Variants in CYC1 observed in about 807,000 individuals in gnomAD.
The protein encoded by CYC1 is cytochrome c1, heme protein, mitochondrial.
Under a neutral mutation model 33.8 loss-of-function variants are expected in CYC1, and 10 were observed. The ratio of observed to expected loss-of-function variants is 0.30; its 90% CI spans 0.18 to 0.50. The LOEUF is 0.50. CYC1 is among the 20% of genes least tolerant of loss of function. CYC1 has a pLI of 0.98. For missense variants in CYC1, 459 were observed against 437.6 expected (o/e 1.05, Z -0.44); for synonymous variants, 224 against 181.9 (o/e 1.23, Z -1.86).
rs1836188570 is a variant in CYC1, at chr8:144,097,447, A to G, written c.*111A>G. On this transcript the variant is annotated 3_prime_UTR_variant, in exon 7 of 7. Coordinates refer to ENST00000318911, the MANE Select transcript of CYC1 (RefSeq NM_001916.5). ...CCTCTCTTCATCTGGAAGAAGAGGC[A>G]AGGGGGCAGGAGACCAGGCTCTAGC... The G allele has an allele frequency of 1.2e-6, 1 of 840,310 alleles. No individual in the cohort carries two copies. The highest frequency in any genetic ancestry group is 1.9e-6 in the Non-Finnish European group (1 of 526,624). 52.1% of individuals were successfully genotyped at this position (840,310 alleles called of 1,614,324 possible). A position where few individuals can be genotyped will look rare whatever the true frequency, so the allele number is the denominator to read the frequency against.
At chr8:144,095,811 G>T in intron 1 of CYC1, 22 bp from the exon 2 acceptor site, 4 of 1,600,766 alleles carry the variant, frequency 2.5e-6, no homozygotes, top group South Asian at 2.2e-5. Flanking sequence ...GTCCTGGCAG[G>T]CGCTGAGCGG....
chr8:144,096,880 G>A (rs1260787932), intron 5 of CYC1, 136 bp downstream of exon 5: 1 of 1,212,208 alleles, frequency 8.2e-7, no homozygotes, highest in South Asian at 1.3e-5. Context: ...TGTCTCAGGA[G>A]GCTTTTGGGC....
At chr8:144,096,842 ACTT>A (rs1372167847) in intron 5 of CYC1, 98 bp downstream of exon 5, 3 of 1,427,746 alleles carry the variant, frequency 2.1e-6, no homozygotes, top group South Asian at 1.2e-5. Flanking sequence ...GGTCCTGCCC[ACTT>A]CTTGTCTGGG....
rs993592660 is a variant in CYC1 at position 144,095,867 on chromosome 8, G to A, written c.164G>A (p.Arg55Gln). The A allele has an allele frequency of 1.2e-6, 2 of 1,608,764 alleles. No individual in the cohort carries two copies. The highest frequency in any genetic ancestry group is 1.7e-6 in the Non-Finnish European group (2 of 1,179,752). The change falls in exon 2 of 7, where the codon CGA (arginine) becomes CAA (glutamine). Residue 55 changes from arginine (R) to glutamine (Q), a missense_variant. Arg to Gln is a conservative substitution (Grantham distance 43). Coordinates refer to ENST00000318911, the MANE Select transcript of CYC1 (RefSeq NM_001916.5). ...TTGTCGTCGAAGTCTGGCCTTTCCC[G>A]AGGCCGGAAAGTGATGCTGTCAGCG... ...VALSSKSGLS[R>Q]GRKVMLSALG...
Position 144,096,347 on chromosome 8 carries a change from A to C in CYC1, c.464A>C (p.Gln155Pro). 6.2e-7 allele frequency: 1 copy of C among 1,613,876 alleles called. No individual in the cohort carries two copies. Among genetic ancestry groups the C allele is most frequent in the Non-Finnish European group, 8.5e-7 (1 of 1,179,938 alleles). ...GGCTCTCGGTGGCAGGTGGAGGTTC[A>C]AGACGGCCCCAATGAAGATGGGGAG... ...AKELAAEVEVQDGPNEDGEMF... is the reference protein window; with the variant it reads ...AKELAAEVEVPDGPNEDGEMF... The change falls in exon 4 of 7, where the codon CAA (glutamine) becomes CCA (proline). Residue 155 changes from glutamine to proline, a missense_variant. By Grantham distance (76) the Gln-to-Pro change is moderately conservative. Transcript: ENST00000318911.
At position 144,096,239 on chromosome 8, in the gene CYC1, C is replaced by T; in HGVS notation, c.442C>T (p.Leu148=). 4 of 1,614,022 alleles carry T rather than the reference C, an allele frequency of 2.5e-6. No individual in the cohort carries two copies. The South Asian group carries it at 3.3e-5, about 13-fold the overall frequency. Residue 148 remains leucine (L), a synonymous_variant, in exon 3 of 7, where the codon CTG becomes TTG. Transcript: ENST00000318911. ...VCYTEDEAKE[L]AAEVEVQDGP... is the part of the protein sequence containing the mutation. ...CTACACGGAGGATGAAGCTAAGGAG[C>T]TGGCTGCGGAGGTGTGGGGTCTGGG...
At chr8:144,096,868 C>A in intron 5 of CYC1, 124 bp downstream of exon 5, 1 of 1,278,576 alleles carries the variant, frequency 7.8e-7, no homozygotes, top group East Asian at 2.4e-5. Flanking sequence ...GTCTTCTGTG[C>A]ATGTCTCAGG....
At chr8:144,095,534 C>A (rs1836132025) in intron 1 of CYC1, 5 of 472,228 alleles carry the variant, frequency 1.1e-5, no homozygotes, top group Non-Finnish European at 1.8e-5. Flanking sequence ...AAACTGGGCC[C>A]GCGTCCTGAA....
chr8:144,097,085 G>C lies in CYC1; in HGVS notation c.824G>C (p.Arg275Pro). The change falls in exon 6 of 7, where the codon CGC (arginine) becomes CCC (proline). Residue 275 changes from arginine to proline, a missense_variant. By Grantham distance (103) the Arg-to-Pro change is moderately radical. Transcript: ENST00000318911. ...QIAKDVCTFL[R>P]WASEPEHDHR... ...GCCAAGGATGTGTGCACCTTCCTGC[G>C]CTGGGCATCTGAGCCAGAGCACGAC... The C allele has an allele frequency of 6.2e-7, 1 of 1,611,744 alleles. No individual in the cohort carries two copies. The highest frequency in any genetic ancestry group is 8.5e-7 in the Non-Finnish European group (1 of 1,178,902).
chr8:144,095,604 G>A, intron 1 of CYC1: 1 of 581,288 alleles, frequency 1.7e-6, no homozygotes, highest in Non-Finnish European at 3.0e-6. Flanking sequence ...AGCACCCTTG[G>A]TCACTTCGGT....
intron 6 of CYC1, 34 bp from the exon 7 acceptor site, chr8:144,097,198 C>T: frequency 1.9e-6 from 3 of 1,610,388 alleles, no homozygotes; most frequent in Non-Finnish European, 2.5e-6. Context: ...AGGGCTCCTC[C>T]CCACTCCCTT....
rs1234996220 is a variant in CYC1 at position 144,095,144 on chromosome 8, G to C, written c.45G>C (p.Pro15=). 8.3e-7 allele frequency: 1 copy of C among 1,210,438 alleles called. No individual in the cohort carries two copies. Among genetic ancestry groups the C allele is most frequent in the Non-Finnish European group, 1.0e-6 (1 of 973,222 alleles). The allele number at this position is 1,210,438 out of a possible 1,614,324, so 75.0% of individuals were successfully genotyped here. A position where few individuals can be genotyped will look rare whatever the true frequency, so the allele number is the denominator to read the frequency against. The change falls in exon 1 of 7, where the codon CCG becomes CCC. Residue 15 remains proline (P), a synonymous_variant. Transcript: ENST00000318911. ...AASLRGVVLG[P]RGAGLPGARA... ...CGCTTCGCGGGGTAGTGTTGGGCCC[G>C]CGGGGCGCGGGGCTCCCGGGCGCGC...
chr8:144,096,112 C>G lies in CYC1; in HGVS notation c.327-12C>G. The G allele has an allele frequency of 6.2e-7, 1 of 1,611,212 alleles. No homozygotes were observed. Among genetic ancestry groups the G allele is most frequent in the Middle Eastern group, 1.6e-4 (1 of 6,062 alleles). On this transcript the variant is annotated splice_polypyrimidine_tract_variant and intron_variant, in intron 2 of 6. Transcript: ENST00000318911. ...GAATCTTCAGCTTTCCTAACCCTTTCCCTCCCTCCAGCATCCGGAGGGGTT... is the reference window on the plus strand; with the variant it reads ...GAATCTTCAGCTTTCCTAACCCTTTGCCTCCCTCCAGCATCCGGAGGGGTT...
At chr8:144,095,473 T>A in intron 1 of CYC1, 1 of 436,082 alleles carries the variant, frequency 2.3e-6, no homozygotes, top group Non-Finnish European at 4.0e-6. Context: ...GTGGCGGGGC[T>A]GGGGCTTTCC....
chr8:144,097,360 T>C lies in CYC1; in HGVS notation c.*24T>C. ...GACCCTGTCCAGTGTCTGCTTGCCA[T>C]CCTGCCAGAACAGGCCCTCAAGCCC... On this transcript the variant is annotated 3_prime_UTR_variant, in exon 7 of 7. Coordinates refer to ENST00000318911, the MANE Select transcript of CYC1 (RefSeq NM_001916.5). 1.2e-6 allele frequency: 2 copies of C among 1,604,478 alleles called. No individual in the cohort carries two copies. Among genetic ancestry groups the C allele is most frequent in the Non-Finnish European group, 1.7e-6 (2 of 1,172,364 alleles).
rs901017275 is a variant in CYC1, at chr8:144,097,244, A to G, written c.886A>G (p.Met296Val). ...TCCTTGTCTGCAGATGTTGATGATGATGGCTCTGCTGGTGCCCCTGGTCTA... is the reference window on the plus strand; with the variant it reads ...TCCTTGTCTGCAGATGTTGATGATGGTGGCTCTGCTGGTGCCCCTGGTCTA... ...KRMGLKMLMM[M>V]ALLVPLVYTI... Residue 296 changes from methionine to valine, a missense_variant, in exon 7 of 7, where the codon ATG (methionine) becomes GTG (valine). Met to Val is a conservative substitution (Grantham distance 21). Coordinates refer to ENST00000318911, the MANE Select transcript of CYC1 (RefSeq NM_001916.5). 1.1e-5 allele frequency: 17 copies of G among 1,613,990 alleles called. No homozygotes were observed. Among genetic ancestry groups the G allele is most frequent in the Non-Finnish European group, 1.4e-5 (16 of 1,179,992 alleles).
chr8:144,096,646 T>G lies in CYC1; in HGVS notation c.674T>G (p.Val225Gly), dbSNP rs1470068407. ...LTGYCEPPTGVSLREGLYFNP... is the reference protein window; with the variant it reads ...LTGYCEPPTGGSLREGLYFNP... Reference sequence around the variant, plus strand: ...GGCTACTGCGAGCCACCCACCGGGGTGTCACTGCGGGAAGGTCTCTACTTC... The same window carrying G: ...GGCTACTGCGAGCCACCCACCGGGGGGTCACTGCGGGAAGGTCTCTACTTC... Residue 225 changes from valine to glycine, a missense_variant, in exon 5 of 7, where the codon GTG becomes GGG. Coordinates refer to ENST00000318911, the MANE Select transcript of CYC1 (RefSeq NM_001916.5). 1.2e-6 allele frequency: 2 copies of G among 1,613,810 alleles called. No individual in the cohort carries two copies. Among genetic ancestry groups the G allele is most frequent in the African/African-American group, 2.7e-5 (2 of 74,872 alleles).
At position 144,096,508 on chromosome 8, in the gene CYC1, C is replaced by G. The variant is rs202012491; in HGVS notation, c.611+14C>G. 3.1e-6 allele frequency: 5 copies of G among 1,614,010 alleles called. No homozygotes were observed. In the African/African-American group the frequency reaches 5.3e-5, roughly 17 times the overall value. The stretch of plus-strand genomic sequence containing the variant: ...CGTGCGAGCTAGGTACACGGGCTGC[C>G]CATGGGGTGGTGCTGGAGAGATGGG... On this transcript the variant is annotated intron_variant, in intron 4 of 6. Coordinates refer to ENST00000318911, the MANE Select transcript of CYC1 (RefSeq NM_001916.5).
chr8:144,096,411 A>C lies in CYC1; in HGVS notation c.528A>C (p.Pro176=). The change falls in exon 4 of 7, where the codon CCA becomes CCC. Residue 176 remains proline (P), a synonymous_variant. Coordinates refer to ENST00000318911, the MANE Select transcript of CYC1 (RefSeq NM_001916.5). Reference sequence around the variant, plus strand: ...CAGGGAAGCTGTTCGACTATTTCCCAAAACCATACCCCAACAGTGAGGCTG... The same window carrying C: ...CAGGGAAGCTGTTCGACTATTTCCCCAAACCATACCCCAACAGTGAGGCTG... ...MRPGKLFDYF[P]KPYPNSEAAR... 2 of 1,614,066 alleles carry C rather than the reference A, an allele frequency of 1.2e-6. No homozygotes were observed. The highest frequency in any genetic ancestry group is 1.7e-6 in the Non-Finnish European group (2 of 1,180,000).
Sources: gnomAD v4.1 joint callset for allele counts on GRCh38, gnomAD v4.1.1 for gene constraint, MANE v1.5 for transcripts, NCBI Gene and HGNC (gene_info 2026-07-23, HGNC 2026-07-21) for gene names.